The following CADPS2 variants were observed in gnomAD, a reference collection of about 807,000 sequenced individuals.
The protein encoded by CADPS2 is calcium dependent secretion activator 2, also known as calcium-dependent secretion activator 2.
CADPS2 carries 93 observed loss-of-function variants against 172.5 expected under a neutral mutation model. The observed-to-expected ratio is 0.54, with a 90% CI of 0.46 to 0.64. The LOEUF (loss-of-function observed/expected upper bound fraction) is 0.64, where lower values mean the gene tolerates loss of function less well. Among genes scored for constraint, CADPS2 ranks in the 30% least tolerant of loss-of-function variants. CADPS2 has a pLI of 0.00. For missense variants in CADPS2, 1,420 were observed against 1,565.9 expected (o/e 0.91, Z 1.57); for synonymous variants, 546 against 555.2 (o/e 0.98, Z 0.23).
intron 3 of CADPS2, among the ~76,000 whole-genome samples, chr7:122,646,515 G>A (rs2078575655): frequency 6.6e-6 from 1 of 152,016 alleles, no homozygotes; most frequent in Admixed American, 6.6e-5. Context: ...GAAGAATGGA[G>A]AAGTAGGAAT....
chr7:122,710,076 C>T (rs1256515370), intron 2 of CADPS2, among the ~76,000 whole-genome samples: 1 of 94,992 alleles, frequency 1.1e-5, no homozygotes, highest in African/African-American at 3.2e-5. Flanking sequence ...TGACCTTCTG[C>T]CAACCCAAAA....
At chr7:122,638,523 T>C (rs1588037166) in intron 3 of CADPS2, among the ~76,000 whole-genome samples, 1 of 152,300 alleles carries the variant, frequency 6.6e-6, no homozygotes, top group East Asian at 1.9e-4. Flanking sequence ...TCCAGCACCA[T>C]GACTGCAGCT....
intron 3 of CADPS2, among the ~76,000 whole-genome samples, chr7:122,656,296 C>T (rs1160122105): frequency 6.6e-6 from 1 of 152,086 alleles, no homozygotes; most frequent in Non-Finnish European, 1.5e-5. Flanking sequence ...AGCCATTGTT[C>T]AATCTCCCAG....
At chr7:122,704,232 G>T (rs2086629444) in intron 2 of CADPS2, among the ~76,000 whole-genome samples, 1 of 151,770 alleles carries the variant, frequency 6.6e-6, no homozygotes, top group African/African-American at 2.4e-5. Flanking sequence ...AGTATTCCCT[G>T]TATTTTAGTT....
intron 8 of CADPS2, among the ~76,000 whole-genome samples, chr7:122,553,839 A>G (rs1288036263): frequency 6.6e-6 from 1 of 152,146 alleles, no homozygotes; most frequent in Non-Finnish European, 1.5e-5. Context: ...CCTAATGGCT[A>G]ATACCCCTAT....
Position 122,425,261 on chromosome 7 carries a change from G to T in CADPS2, c.2477-9097C>A, listed in dbSNP as rs183261733. 4.3e-4 allele frequency among the ~76,000 whole-genome samples: 66 copies of T among 151,788 alleles called. 1 individual carries two copies. The highest frequency in any genetic ancestry group is 4.3e-3 in the Admixed American group (66 of 15,220). On this transcript the variant is annotated intron_variant, in intron 17 of 29. Transcript: ENST00000449022. ...CTCCCAAAGTGCTGGGATTACATTCGTGAGCCACCATACTCAGCCATACAT... is the reference window on the plus strand; with the variant it reads ...CTCCCAAAGTGCTGGGATTACATTCTTGAGCCACCATACTCAGCCATACAT...
chr7:122,541,847 T>G (rs36153084), intron 8 of CADPS2, among the ~76,000 whole-genome samples: 12,887 of 127,778 alleles, frequency 0.1, 756 homozygotes, highest in African/African-American at 0.17. Flanking sequence ...GTTTATATAT[T>G]CATATATATT....
intron 25 of CADPS2, among the ~76,000 whole-genome samples, chr7:122,370,707 A>G (rs1301818300): frequency 1.3e-5 from 2 of 152,122 alleles, no homozygotes; most frequent in Admixed American, 6.5e-5. Context: ...GCAAACCAAG[A>G]CTTTTCTAGT....
chr7:122,578,067 G>GAT (rs985803616), intron 7 of CADPS2, among the ~76,000 whole-genome samples: 2 of 149,866 alleles, frequency 1.3e-5, no homozygotes, highest in East Asian at 2.0e-4. Flanking sequence ...TAGAAAAGTA[G>GAT]ATATATATAT....
At chr7:122,799,413 C>T (rs899200741) in intron 1 of CADPS2, among the ~76,000 whole-genome samples, 3 of 152,118 alleles carry the variant, frequency 2.0e-5, no homozygotes, top group East Asian at 1.9e-4. Context: ...TCCTGGCTAA[C>T]ACAGTGAAAC....
intron 5 of CADPS2, among the ~76,000 whole-genome samples, chr7:122,616,898 C>A (rs1244358131): frequency 6.6e-6 from 1 of 152,038 alleles, no homozygotes; most frequent in African/African-American, 2.4e-5. Flanking sequence ...AATTAAAAGG[C>A]AACTACACTT....
intron 1 of CADPS2, among the ~76,000 whole-genome samples, chr7:122,739,312 T>C (rs2092351310): frequency 6.6e-6 from 1 of 152,222 alleles, no homozygotes; most frequent in African/African-American, 2.4e-5. Context: ...AAATACATAC[T>C]CTTCAAAAAC....
intron 14 of CADPS2, among the ~76,000 whole-genome samples, chr7:122,462,662 G>A (rs931621586): frequency 3.9e-5 from 6 of 152,102 alleles, no homozygotes; most frequent in Non-Finnish European, 5.9e-5. Flanking sequence ...AAAGGCTAAC[G>A]ATGTGAACAT....
chr7:122,584,433 T>C (rs891521947), intron 6 of CADPS2, among the ~76,000 whole-genome samples: 2 of 151,964 alleles, frequency 1.3e-5, no homozygotes, highest in African/African-American at 4.8e-5. Context: ...GCATCTGTTA[T>C]GTCCTTCTTC....
At position 122,319,338 on chromosome 7, in the gene CADPS2, A is replaced by C. The variant is rs907994018; in HGVS notation, c.*827T>G. ...GAGTCAGATAGTTGGGATGTTTGAA[A>C]CACTGCAAACCTCTTTTACTGCATT... On this transcript the variant is annotated 3_prime_UTR_variant, in exon 30 of 30. Transcript: ENST00000449022. 1 of 152,214 alleles carries C rather than the reference A, an allele frequency of 6.6e-6. No homozygotes were observed. The highest frequency in any genetic ancestry group is 2.4e-5 in the African/African-American group (1 of 41,468). The allele number at this position is 152,214 out of a possible 1,614,324, so 9.4% of individuals were successfully genotyped here.
chr7:122,799,509 G>A (rs926933670), intron 1 of CADPS2, among the ~76,000 whole-genome samples: 46 of 151,520 alleles, frequency 3.0e-4, no homozygotes, highest in African/African-American at 1.0e-3. Flanking sequence ...AGGCTGAGGC[G>A]GGAGAATGGC....
intron 11 of CADPS2, among the ~76,000 whole-genome samples, chr7:122,486,058 T>G (rs962185193): frequency 6.6e-6 from 1 of 152,110 alleles, no homozygotes; most frequent in Non-Finnish European, 1.5e-5. Flanking sequence ...TATTGCTCAC[T>G]GACATAGCAT....
intron 6 of CADPS2, among the ~76,000 whole-genome samples, chr7:122,601,692 A>C (rs557341368): frequency 4.3e-4 from 66 of 152,048 alleles, no homozygotes; most frequent in Middle Eastern, 3.4e-3. Context: ...TGCAAAAAAA[A>C]CCCCCAAATC....
At chr7:122,322,841 G>A (rs2032889598) in intron 29 of CADPS2, among the ~76,000 whole-genome samples, 1 of 152,068 alleles carries the variant, frequency 6.6e-6, no homozygotes, top group South Asian at 2.1e-4. Context: ...TGGCATCTAG[G>A]TCTCCATGGG....
Sources: gnomAD v4.1 joint callset for allele counts (sites outside exome capture counted in the v4.1 genomes callset) on GRCh38, gnomAD v4.1.1 for gene constraint, MANE v1.5 for transcripts, NCBI Gene and HGNC (gene_info 2026-07-23, HGNC 2026-07-21) for gene names.